SHISA9: variants seen among roughly 807,000 people sequenced by gnomAD.
SHISA9 encodes shisa family member 9.
In SHISA9, 13 loss-of-function variants were observed where a neutral mutation model predicts 38.0. The ratio of observed to expected loss-of-function variants is 0.34; its 90% CI spans 0.22 to 0.54. SHISA9 has a LOEUF of 0.54. Among genes scored for constraint, SHISA9 ranks in the 20% least tolerant of loss-of-function variants. The pLI, the probability that SHISA9 is intolerant of heterozygous loss-of-function variation, is 0.91. For missense variants in SHISA9, 538 were observed against 575.8 expected, an observed-to-expected ratio of 0.93 and a Z score of 0.67; for synonymous variants, 275 against 242.0, an observed-to-expected ratio of 1.14 and a Z score of -1.27.
chr16:13,530,110 C>T, the SHISA9 span, among the ~76,000 whole-genome samples: 11,391 of 152,196 alleles, frequency 0.075, 558 homozygotes, highest in Non-Finnish European at 0.1. Context: ...GCCAGCCTGG[C>T]CAACATGGTG....
At chr16:13,262,862 C>T in the SHISA9 span, among the ~76,000 whole-genome samples, 1 of 152,080 alleles carries the variant, frequency 6.6e-6, no homozygotes, top group African/African-American at 2.4e-5. Context: ...AATTTTTGCT[C>T]ATTCAGGTTT....
the SHISA9 span, among the ~76,000 whole-genome samples, chr16:13,510,930 AT>A: frequency 6.6e-6 from 1 of 152,138 alleles, no homozygotes; most frequent in African/African-American, 2.4e-5. Context: ...TGTGCCTGCA[AT>A]TTGTGTATGT....
At chr16:12,943,683 A>C (rs1010414093) in intron 2 of SHISA9, among the ~76,000 whole-genome samples, 2 of 152,144 alleles carry the variant, frequency 1.3e-5, no homozygotes, top group African/African-American at 2.4e-5. Context: ...TGCTGGAGGT[A>C]GAAAGTTTGT....
the SHISA9 span, among the ~76,000 whole-genome samples, chr16:13,320,064 G>A: frequency 2.4e-4 from 36 of 151,854 alleles, no homozygotes; most frequent in African/African-American, 7.5e-4. Flanking sequence ...AGGCTGAAGC[G>A]GGCAGATCAC....
At chr16:12,929,847 C>G (rs2071440767) in intron 2 of SHISA9, among the ~76,000 whole-genome samples, 1 of 152,136 alleles carries the variant, frequency 6.6e-6, no homozygotes, top group East Asian at 1.9e-4. Flanking sequence ...ATTGCTTCCA[C>G]TTCAGGGGTT....
intron 2 of SHISA9, among the ~76,000 whole-genome samples, chr16:13,084,828 G>C (rs922075230): frequency 1.3e-5 from 2 of 152,184 alleles, no homozygotes; most frequent in Non-Finnish European, 2.9e-5. Context: ...TGAGAAAAAG[G>C]GGTTGAGGGA....
chr16:13,541,235 A>AG, the SHISA9 span, among the ~76,000 whole-genome samples: 2 of 152,324 alleles, frequency 1.3e-5, no homozygotes, highest in East Asian at 3.9e-4. Context: ...TTTCCTCTCC[A>AG]GGGGCCATAA....
At chr16:13,129,442 T>C (rs1245494211) in intron 2 of SHISA9, among the ~76,000 whole-genome samples, 1 of 152,166 alleles carries the variant, frequency 6.6e-6, no homozygotes, top group East Asian at 1.9e-4. Context: ...GACTGGGGAC[T>C]AGATGGGAGG....
intron 2 of SHISA9, among the ~76,000 whole-genome samples, chr16:13,074,707 C>G (rs757471489): frequency 4.1e-4 from 62 of 150,388 alleles, no homozygotes; most frequent in Non-Finnish European, 8.6e-4. Context: ...TGTTGTCACC[C>G]AGGCTGGAGT....
chr16:13,281,561 G>GTT, the SHISA9 span, among the ~76,000 whole-genome samples: 76 of 72,332 alleles, frequency 1.1e-3, no homozygotes, highest in African/African-American at 2.4e-3. Flanking sequence ...TCATTCCTCT[G>GTT]TTTTTTTTTT....
chr16:13,440,592 T>C, the SHISA9 span, among the ~76,000 whole-genome samples: 1 of 152,196 alleles, frequency 6.6e-6, no homozygotes, highest in Non-Finnish European at 1.5e-5. Context: ...TTTCTAAATG[T>C]CTTTTCTATT....
the SHISA9 span, among the ~76,000 whole-genome samples, chr16:13,309,882 T>C: frequency 1.9e-4 from 28 of 151,292 alleles, no homozygotes; most frequent in Admixed American, 8.5e-4. Flanking sequence ...ACTTATCTAT[T>C]TATTTATTTA....
intron 2 of SHISA9, among the ~76,000 whole-genome samples, chr16:13,150,930 C>T (rs1241407451): frequency 2.6e-5 from 4 of 152,166 alleles, no homozygotes; most frequent in East Asian, 1.9e-4. Context: ...TTGCCCTCAT[C>T]TCAAACCTCT....
the SHISA9 span, among the ~76,000 whole-genome samples, chr16:13,479,798 C>G: frequency 6.6e-6 from 1 of 152,178 alleles, no homozygotes; most frequent in Non-Finnish European, 1.5e-5. Context: ...TTTGGTAAAG[C>G]TGGTTCAGTT....
intron 2 of SHISA9, among the ~76,000 whole-genome samples, chr16:12,937,284 A>G (rs2071547034): frequency 6.6e-6 from 1 of 152,198 alleles, no homozygotes; most frequent in South Asian, 2.1e-4. Flanking sequence ...GGTAGAAAAG[A>G]AAGTAAAGCA....
chr16:13,063,740 G>C (rs1167655024), intron 2 of SHISA9, among the ~76,000 whole-genome samples: 1 of 152,092 alleles, frequency 6.6e-6, no homozygotes, highest in Admixed American at 6.5e-5. Flanking sequence ...ACACACATTG[G>C]TACCATGAAG....
At chr16:13,162,756 T>A (rs748698846) in intron 2 of SHISA9, among the ~76,000 whole-genome samples, 2 of 152,028 alleles carry the variant, frequency 1.3e-5, no homozygotes, top group African/African-American at 4.8e-5. Context: ...GCAAAGTAGA[T>A]GTCAGAACAT....
chr16:13,021,692 G>A (rs1316394937), intron 2 of SHISA9, among the ~76,000 whole-genome samples: 1 of 152,134 alleles, frequency 6.6e-6, no homozygotes, highest in African/African-American at 2.4e-5. Context: ...ATTTCCTCTT[G>A]GAATTTCCTC....
At chr16:13,189,668 G>C (rs1286602565) in intron 2 of SHISA9, among the ~76,000 whole-genome samples, 1 of 152,236 alleles carries the variant, frequency 6.6e-6, no homozygotes, top group Non-Finnish European at 1.5e-5. Context: ...ATGTGTTTAA[G>C]CTGAGACCTG....
Sources: allele counts gnomAD v4.1 joint callset (sites outside exome capture counted in the v4.1 genomes callset), GRCh38; gene constraint gnomAD v4.1.1; transcripts MANE v1.5; gene names NCBI Gene and HGNC (gene_info 2026-07-23, HGNC 2026-07-21).